Variants in EXO5 observed in about 807,000 individuals in gnomAD.
EXO5 encodes the protein exonuclease V.
In EXO5, 11 loss-of-function variants were observed where a neutral mutation model predicts 17.8. The observed-to-expected ratio is 0.62, with a 90% confidence interval of 0.39 to 1.02. The LOEUF (loss-of-function observed/expected upper bound fraction) is 1.02. Among genes scored for constraint, EXO5 ranks in the 50% least tolerant of loss-of-function variants. The pLI is 0.00. For synonymous variants in EXO5, 147 were observed against 166.5 expected (o/e 0.88, Z 0.90); for missense variants, 364 against 434.8 (o/e 0.84, Z 1.45).
chr1:40,513,293 T>C (rs911061704), intron 3 of EXO5, among the ~76,000 whole-genome samples: 2 of 152,214 alleles, frequency 1.3e-5, no homozygotes, highest in Non-Finnish European at 2.9e-5. Flanking sequence ...TGTTAGACTA[T>C]ATTTATTTGT....
intron 3 of EXO5, among the ~76,000 whole-genome samples, chr1:40,512,711 C>T (rs1178988449): frequency 2.0e-5 from 3 of 152,142 alleles, no homozygotes; most frequent in African/African-American, 7.2e-5. Context: ...AAGCGATTTT[C>T]CTGCCTCAGC....
chr1:40,513,205 GA>G (rs1645813198), intron 3 of EXO5, among the ~76,000 whole-genome samples: 1 of 152,104 alleles, frequency 6.6e-6, no homozygotes, highest in Admixed American at 6.6e-5. Context: ...ATAATATTAA[GA>G]GGATAATTTA....
Position 40,514,503 on chromosome 1 carries a change from C to T in EXO5, c.-30-12C>T. 6.6e-7 allele frequency: 1 copy of T among 1,523,596 alleles called. No individual in the cohort carries two copies. The highest frequency in any genetic ancestry group is 8.8e-7 in the Non-Finnish European group (1 of 1,135,652). The allele number at this position is 1,523,596 out of a possible 1,614,324, so 94.4% of individuals were successfully genotyped here. On this transcript the variant is annotated splice_polypyrimidine_tract_variant and intron_variant, in intron 3 of 3. Transcript: ENST00000415550. Reference sequence around the variant, plus strand: ...TTATTTGAACAATGCATTTCTTTAACATGTTATGCAGGGCCCTTCTAGCCC... The same window carrying T: ...TTATTTGAACAATGCATTTCTTTAATATGTTATGCAGGGCCCTTCTAGCCC...
chr1:40,512,642 C>T (rs1418789703), intron 3 of EXO5, among the ~76,000 whole-genome samples: 1 of 152,106 alleles, frequency 6.6e-6, no homozygotes, highest in African/African-American at 2.4e-5. Context: ...CACTCTGTCA[C>T]CCAGGCTGGA....
Position 40,514,975 on chromosome 1 carries a change from C to G in EXO5, c.431C>G (p.Ala144Gly). ...VPVTTKEDAW[A>G]IKFLNILLLI... ...GTCACCACTAAAGAAGATGCTTGGG[C>G]AATTAAGTTTCTGAACATACTTTTG... is the stretch of plus-strand genomic sequence containing the variant. Residue 144 changes from alanine to glycine, a missense_variant, in exon 4 of 4, where the codon GCA (alanine) becomes GGA (glycine). Physicochemically the swap from Ala to Gly is moderately conservative, Grantham distance 60. Transcript: ENST00000415550. 2 of 1,614,074 alleles carry G rather than the reference C, an allele frequency of 1.2e-6. No homozygotes were observed. Among genetic ancestry groups the G allele is most frequent in the Non-Finnish European group, 1.7e-6 (2 of 1,179,974 alleles).
rs1259107882 is a variant in EXO5, at chr1:40,516,030, T to G, written c.*364T>G. On this transcript the variant is annotated 3_prime_UTR_variant, in exon 4 of 4. Transcript: ENST00000415550. ...ACAGTTACATAATAAAATGAAATGCTGTCCAGGACAGTTGAACTGATGGTT... is the reference window on the plus strand; with the variant it reads ...ACAGTTACATAATAAAATGAAATGCGGTCCAGGACAGTTGAACTGATGGTT... 9.3e-6 allele frequency: 2 copies of G among 214,308 alleles called. No homozygotes were observed. Among genetic ancestry groups the G allele is most frequent in the Non-Finnish European group, 2.0e-5 (2 of 97,788 alleles). The allele number at this position is 214,308 out of a possible 1,614,324, so 13.3% of individuals were successfully genotyped here.
rs762784363 is a variant in EXO5, at chr1:40,515,182, AAGACT to A, written c.639_643del (p.Asp214PhefsTer11). The A allele has an allele frequency of 1.2e-6, 2 of 1,614,044 alleles. No individual in the cohort carries two copies. Among genetic ancestry groups the A allele is most frequent in the South Asian group, 2.2e-5 (2 of 91,068 alleles). On this transcript the variant is annotated frameshift_variant, in exon 4 of 4. Coordinates refer to ENST00000415550, the MANE Select transcript of EXO5 (RefSeq NM_001346953.2). LOFTEE classifies it high-confidence loss of function. The stretch of plus-strand genomic sequence containing the variant: ...CTCCCTCTGGAAGCTCAGAAGAAGA[AAGACT>A]GTTTTCAAGTCAGCCTATACAAATA...
intron 3 of EXO5, among the ~76,000 whole-genome samples, chr1:40,511,225 ACT>A (rs1407568927): frequency 1.3e-5 from 2 of 152,070 alleles, no homozygotes; most frequent in Non-Finnish European, 2.9e-5. Context: ...AAAGAGTGAG[ACT>A]CTGTCTCAAA....
At chr1:40,512,867 C>T (rs543037818) in intron 3 of EXO5, among the ~76,000 whole-genome samples, 8 of 152,232 alleles carry the variant, frequency 5.3e-5, no homozygotes, top group African/African-American at 1.2e-4. Flanking sequence ...CCACCTGCCT[C>T]GGCCTCCCAA....
rs377046057 is a variant in EXO5 at position 40,515,241 on chromosome 1, G to C, written c.697G>C (p.Val233Leu). 37 of 1,613,980 alleles carry C rather than the reference G, an allele frequency of 2.3e-5. No individual in the cohort carries two copies. Among genetic ancestry groups the C allele is most frequent in the African/African-American group, 5.3e-5 (4 of 74,898 alleles). ...CTTTGATGCCATGGTACAAGGAAAAGTGACCCCTGCTAGCCTAATCCACCA... is the reference window on the plus strand; with the variant it reads ...CTTTGATGCCATGGTACAAGGAAAACTGACCCCTGCTAGCCTAATCCACCA... ...YIFDAMVQGK[V>L]TPASLIHHTK... The change falls in exon 4 of 4, where the codon GTG becomes CTG. Residue 233 changes from valine to leucine, a missense_variant. Transcript: ENST00000415550.
rs748547382 is a variant in EXO5, at chr1:40,515,204, A to G, written c.660A>G (p.Leu220=). The change falls in exon 4 of 4, where the codon CTA becomes CTG. Residue 220 remains leucine (L), a synonymous_variant. Coordinates refer to ENST00000415550, the MANE Select transcript of EXO5 (RefSeq NM_001346953.2). The stretch of plus-strand genomic sequence containing the variant: ...AGAAAGACTGTTTTCAAGTCAGCCT[A>G]TACAAATATATCTTTGATGCCATGG... ...QKKKDCFQVS[L]YKYIFDAMVQ... is the part of the protein sequence containing the mutation. 3 of 1,613,982 alleles carry G rather than the reference A, an allele frequency of 1.9e-6. No individual in the cohort carries two copies. The highest frequency in any genetic ancestry group is 2.2e-5 in the East Asian group (1 of 44,894).
At chr1:40,513,598 T>C (rs1645821205) in intron 3 of EXO5, among the ~76,000 whole-genome samples, 3 of 144,620 alleles carry the variant, frequency 2.1e-5, no homozygotes, top group South Asian at 2.2e-4. Flanking sequence ...TTTTTTTTTT[T>C]CTTTTTCTTG....
At chr1:40,511,191 C>T (rs915314650) in intron 3 of EXO5, among the ~76,000 whole-genome samples, 1 of 152,026 alleles carries the variant, frequency 6.6e-6, no homozygotes, top group African/African-American at 2.4e-5. Flanking sequence ...GCTGAGATCC[C>T]GCCACTGCAC....
intron 3 of EXO5, among the ~76,000 whole-genome samples, chr1:40,512,057 T>C (rs1405776226): frequency 1.3e-5 from 2 of 152,050 alleles, no homozygotes; most frequent in Non-Finnish European, 2.9e-5. Flanking sequence ...TTTTTGTACT[T>C]TTAGTAGAGA....
Position 40,514,803 on chromosome 1 carries a change from G to C in EXO5, c.259G>C (p.Ala87Pro), listed in dbSNP as rs1345619483. The part of the protein sequence containing the change: ...HLKYLYVTDL[A>P]TQNWCELQTA... ...TAAATATTTATATGTCACTGACCTGGCTACTCAGAACTGGTGTGAACTGCA... is the reference window on the plus strand; with the variant it reads ...TAAATATTTATATGTCACTGACCTGCCTACTCAGAACTGGTGTGAACTGCA... The change falls in exon 4 of 4, where the codon GCT (alanine) becomes CCT (proline). Residue 87 changes from alanine (A) to proline (P), a missense_variant. Coordinates refer to ENST00000415550, the MANE Select transcript of EXO5 (RefSeq NM_001346953.2). 10 of 1,614,168 alleles carry C rather than the reference G, an allele frequency of 6.2e-6. No individual in the cohort carries two copies. Among genetic ancestry groups the C allele is most frequent in the Non-Finnish European group, 8.5e-6 (10 of 1,180,036 alleles).
In EXO5 at chr1:40,515,347, T is replaced by C. The variant is rs1645867584; in HGVS notation, c.803T>C (p.Leu268Ser). Residue 268 changes from leucine (L) to serine (S), a missense_variant, in exon 4 of 4, where the codon TTG (leucine) becomes TCG (serine). By Grantham distance (145) the Leu-to-Ser change is moderately radical (BLOSUM62 -2). Transcript: ENST00000415550. ...AQQGGFSVKS[L>S]GDLMELVFLS... ...CAGGGAGGCTTCTCTGTGAAGTCTT[T>C]GGGTGACCTCATGGAACTTGTCTTC... 1.9e-6 allele frequency: 3 copies of C among 1,613,898 alleles called. No homozygotes were observed. In the African/African-American group the frequency reaches 4.0e-5, roughly 22 times the overall value.
Position 40,514,272 on chromosome 1 carries a change from T to A in EXO5, c.-30-243T>A, listed in dbSNP as rs56982802. ...TCCAGCCTGGGTGAAAGAGCGAGAC[T>A]CCGTCTCAAAAAAAAAAAAAAATTC... On this transcript the variant is annotated intron_variant, in intron 3 of 3. Transcript: ENST00000415550. Among the ~76,000 whole-genome samples, 22,123 of 148,426 alleles carry A rather than the reference T, an allele frequency of 0.15. 1,790 individuals carry two copies. The highest frequency in any genetic ancestry group is 0.24 in the Middle Eastern group (70 of 288).
At position 40,515,227 on chromosome 1, in the gene EXO5, T is replaced by C. The variant is rs771098790; in HGVS notation, c.683T>C (p.Met228Thr). The C allele has an allele frequency of 1.6e-5, 26 of 1,613,806 alleles. No homozygotes were observed. In the East Asian group the frequency reaches 5.6e-4, roughly 35 times the overall value. ...VSLYKYIFDA[M>T]VQGKVTPASL... ...CTATACAAATATATCTTTGATGCCA[T>C]GGTACAAGGAAAAGTGACCCCTGCT... The change falls in exon 4 of 4, where the codon ATG (methionine) becomes ACG (threonine). Residue 228 changes from methionine (M) to threonine (T), a missense_variant. Transcript: ENST00000415550.
At position 40,514,597 on chromosome 1, in the gene EXO5, C is replaced by G; in HGVS notation, c.53C>G (p.Ser18Ter). Residue 18 changes from serine (S) to a stop codon, truncating the protein, a stop_gained, in exon 4 of 4, where the codon TCA (serine) becomes TGA (stop). Coordinates refer to ENST00000415550, the MANE Select transcript of EXO5 (RefSeq NM_001346953.2). LOFTEE classifies it high-confidence loss of function. ...ETVSAEASGF[S>*]DLSDSEFLEF... ...GTGTCAGCAGAAGCCTCAGGGTTCT[C>G]AGACTTGAGTGACTCAGAGTTCCTG... 1 of 1,614,134 alleles carries G rather than the reference C, an allele frequency of 6.2e-7. No individual in the cohort carries two copies.
Sources: gnomAD v4.1 joint callset for allele counts (sites outside exome capture counted in the v4.1 genomes callset) on GRCh38, gnomAD v4.1.1 for gene constraint, MANE v1.5 for transcripts, NCBI Gene and HGNC (gene_info 2026-07-23, HGNC 2026-07-21) for gene names.